LTBP4: variants seen among roughly 807,000 people sequenced by gnomAD.
The protein encoded by LTBP4 is latent transforming growth factor beta binding protein 4, also known as latent-transforming growth factor beta-binding protein 4.
LTBP4 carries 93 observed loss-of-function variants against 180.2 expected under a neutral mutation model. The ratio of observed to expected loss-of-function variants is 0.52; its 90% CI spans 0.44 to 0.61. The LOEUF is 0.61. Among genes scored for constraint, LTBP4 ranks in the 20% least tolerant of loss-of-function variants. The probability of loss-of-function intolerance (pLI) is 0.00; values close to 1 mark genes in which losing one functional copy is unlikely to be tolerated. For missense variants in LTBP4, 2,116 were observed against 2,256.5 expected (o/e 0.94, Z 1.26); for synonymous variants, 947 against 934.5 (o/e 1.01, Z -0.24).
In LTBP4 at chr19:40,608,768, G is replaced by A. The variant is rs11667119; in HGVS notation, c.1426+165G>A. ...TCTACTAAAACTACAAAAATTAACT[G>A]GGCGTGGTGGCAGATGCCTGTAATC... On this transcript the variant is annotated intron_variant, in intron 9 of 29. Transcript: ENST00000396819. The A allele has an allele frequency of 0.081, 57,449 of 712,052 alleles. 2,806 individuals carry two copies. The highest frequency in any genetic ancestry group is 0.13 in the Middle Eastern group (299 of 2,390). 44.1% of individuals were successfully genotyped at this position (712,052 alleles called of 1,614,324 possible).
Position 40,608,392 on chromosome 19 carries a change from G to A in LTBP4, c.1306+23G>A, listed in dbSNP as rs775071300. The stretch of plus-strand genomic sequence containing the variant: ...CAGGTGAGCTGGCTCTGGCAGAAGT[G>A]GGTGCCATCTTCAAGGGGCTGCCCC... On this transcript the variant is annotated intron_variant, in intron 8 of 29. Coordinates refer to ENST00000396819, the MANE Select transcript of LTBP4 (RefSeq NM_001042545.2). 5 of 1,609,434 alleles carry A rather than the reference G, an allele frequency of 3.1e-6. No homozygotes were observed. In the Admixed American group the frequency reaches 8.4e-5, roughly 27 times the overall value.
At chr19:40,599,533 G>C (rs776380808), upstream of LTBP4, 18 of 1,611,188 alleles carry the variant, frequency 1.1e-5, no homozygotes, top group Non-Finnish European at 1.4e-5. Flanking sequence ...AGAGACAGGT[G>C]TCCCTCAACT....
Position 40,629,483 on chromosome 19 carries a change from T to G in LTBP4, c.4607T>G (p.Ile1536Ser). 6.2e-7 allele frequency: 1 copy of G among 1,607,722 alleles called. No individual in the cohort carries two copies. Among genetic ancestry groups the G allele is most frequent in the Non-Finnish European group, 8.5e-7 (1 of 1,176,082 alleles). The stretch of plus-strand genomic sequence containing the variant: ...AACACGGATGGCTCCTTCCGCTGCA[T>G]CTGCCGCCCGGGATTCGCACCCACG... ...CLNTDGSFRCICRPGFAPTHQ... is the reference protein window; with the variant it reads ...CLNTDGSFRCSCRPGFAPTHQ... Residue 1536 changes from isoleucine (I) to serine (S), a missense_variant, in exon 30 of 30, where the codon ATC becomes AGC. Physicochemically the swap from Ile to Ser is moderately radical, Grantham distance 142 (BLOSUM62 -2). Coordinates refer to ENST00000396819, the MANE Select transcript of LTBP4 (RefSeq NM_001042545.2). This position sits in a 1 kb window ranked among gnomAD's most constrained non-coding sequence, Gnocchi z 4.5.
upstream of LTBP4, among the ~76,000 whole-genome samples, chr19:40,596,539 C>G (rs535946187): frequency 1.7e-4 from 26 of 152,138 alleles, no homozygotes; most frequent in East Asian, 4.8e-3. Context: ...GGATCAGGGG[C>G]AGAGCCTGGC....
chr19:40,625,252 TTATATATATATATA>T (rs71173663), intron 26 of LTBP4, among the ~76,000 whole-genome samples: 12 of 44,024 alleles, frequency 2.7e-4, no homozygotes, highest in East Asian at 2.0e-3. Context: ...ATTTTTGTAT[TTATATATATATATA>T]TATATATATA....
chr19:40,627,923 C>T, intron 29 of LTBP4, 66 bp downstream of exon 29: 1 of 1,509,286 alleles, frequency 6.6e-7, no homozygotes, highest in Non-Finnish European at 8.8e-7. Flanking sequence ...GGGTGGAAGC[C>T]CTGACTAGGG....
Position 40,622,681 on chromosome 19 carries a change from G to A in LTBP4, c.3484+14G>A, listed in dbSNP as rs2081594966. ...GCACCGAGACAGGTGGGCATGGGCT[G>A]ATGGGGACACAGGGCTGAGGGCTTG... On this transcript the variant is annotated intron_variant, in intron 23 of 29. Transcript: ENST00000396819. The surrounding 1 kb of genome is among the most constrained non-coding windows in gnomAD (Gnocchi z 5.1). The A allele has an allele frequency of 2.5e-6, 4 of 1,593,496 alleles. No homozygotes were observed. The highest frequency in any genetic ancestry group is 2.6e-6 in the Non-Finnish European group (3 of 1,170,252).
chr19:40,600,444 G>A (rs946018301), upstream of LTBP4, among the ~76,000 whole-genome samples: 2 of 152,208 alleles, frequency 1.3e-5, no homozygotes, highest in African/African-American at 4.8e-5. The surrounding 1 kb of genome is among the most constrained non-coding windows in gnomAD (Gnocchi z 4.4). Flanking sequence ...AAGAGGGAGG[G>A]CGCTGGCCCG....
chr19:40,601,344 G>A (rs2081422289), upstream of LTBP4: 5 of 1,046,810 alleles, frequency 4.8e-6, no homozygotes, highest in East Asian at 3.2e-4. Context: ...CGGGCCCCTC[G>A]GGCGGGCTGG....
chr19:40,597,332 G>A, upstream of LTBP4: 1 of 1,524,670 alleles, frequency 6.6e-7, no homozygotes, highest in Non-Finnish European at 8.8e-7. Context: ...CCCAGCCCCA[G>A]CCCCAGCCAG....
chr19:40,596,884 C>T (rs1335458675), upstream of LTBP4, among the ~76,000 whole-genome samples: 1 of 152,108 alleles, frequency 6.6e-6, no homozygotes, highest in African/African-American at 2.4e-5. Flanking sequence ...GCCCCCAACC[C>T]CGCTCCCGTA....
chr19:40,608,508 AGCC>A lies in LTBP4; in HGVS notation c.1332_1334del (p.Glu444_Pro445delinsAsp). On this transcript the variant is annotated inframe_deletion, in exon 9 of 30. Transcript: ENST00000396819. Reference sequence around the variant, plus strand: ...GGCTTTCTGCCCACCCATCGCCTGGAGCCCCGGCCTGAACCCCGGCCCGATCCC... The same window carrying A: ...GGCTTTCTGCCCACCCATCGCCTGGACCGGCCTGAACCCCGGCCCGATCCC... 6.2e-7 allele frequency: 1 copy of A among 1,605,974 alleles called. No homozygotes were observed. The highest frequency in any genetic ancestry group is 8.5e-7 in the Non-Finnish European group (1 of 1,176,512).
At chr19:40,615,561 T>C (rs1318574068) in intron 19 of LTBP4, among the ~76,000 whole-genome samples, 4 of 152,044 alleles carry the variant, frequency 2.6e-5, no homozygotes, top group African/African-American at 9.7e-5. Flanking sequence ...AGATCGAGAC[T>C]AGCCTGGCCA....
chr19:40,623,065 C>T (rs2081597867), intron 24 of LTBP4, 44 bp downstream of exon 24: 28 of 1,469,996 alleles, frequency 1.9e-5, no homozygotes, highest in Non-Finnish European at 2.6e-5. Context: ...GCTCTGAGGC[C>T]CAGCTTCGTC....
chr19:40,593,193 T>C, intron 1 of LTBP4: 1 of 1,613,852 alleles, frequency 6.2e-7, no homozygotes, highest in Non-Finnish European at 8.5e-7. Context: ...TGAGTGCCTC[T>C]GAAACCGGGG....
Position 40,607,444 on chromosome 19 carries a change from G to A in LTBP4, c.1071G>A (p.Arg357=). Residue 357 remains arginine, a synonymous_variant, in exon 7 of 30, where the codon CGG becomes CGA. Transcript: ENST00000396819. The part of the protein sequence containing the change: ...RDGGCSLPIL[R]NITKQICCCS... ...GCGGCTGTTCGCTGCCCATTCTGCGGAACATCACTAAACAGATCTGCTGCT... is the reference window on the plus strand; with the variant it reads ...GCGGCTGTTCGCTGCCCATTCTGCGAAACATCACTAAACAGATCTGCTGCT... 1.2e-6 allele frequency: 2 copies of A among 1,613,498 alleles called. No homozygotes were observed. Among genetic ancestry groups the A allele is most frequent in the South Asian group, 1.1e-5 (1 of 90,984 alleles).
At chr19:40,621,208 G>T (rs531526329) in intron 22 of LTBP4, among the ~76,000 whole-genome samples, 3 of 152,036 alleles carry the variant, frequency 2.0e-5, no homozygotes, top group Non-Finnish European at 2.9e-5. Context: ...TTCCCAAAGT[G>T]CAGGGATTAC....
chr19:40,598,854 G>A (rs964550291), upstream of LTBP4, among the ~76,000 whole-genome samples: 1 of 152,184 alleles, frequency 6.6e-6, no homozygotes, highest in Non-Finnish European at 1.5e-5. Context: ...CAGACAGTGC[G>A]GGCTTAGAAA....
rs1018540400 is a variant in LTBP4 at position 40,627,150 on chromosome 19, G to A, written c.4161G>A (p.Pro1387=). ...CGCTACCCTACGACCCCTACCCACCGCCACCTGGGCCCTTCGCCCGCCGGG... is the reference window on the plus strand; with the variant it reads ...CGCTACCCTACGACCCCTACCCACCACCACCTGGGCCCTTCGCCCGCCGGG... The part of the protein sequence containing the change: ...PPALPYDPYP[P]PPGPFARREA... The change falls in exon 28 of 30, where the codon CCG becomes CCA. Residue 1387 remains proline, a synonymous_variant. Coordinates refer to ENST00000396819, the MANE Select transcript of LTBP4 (RefSeq NM_001042545.2). The A allele has an allele frequency of 4.3e-6, 7 of 1,612,908 alleles. No individual in the cohort carries two copies. Among genetic ancestry groups the A allele is most frequent in the East Asian group, 4.5e-5 (2 of 44,822 alleles).
Sources: gnomAD v4.1 joint callset for allele counts (sites outside exome capture counted in the v4.1 genomes callset) on GRCh38, gnomAD v4.1.1 for gene constraint, Gnocchi (gnomAD v3.1) non-coding constraint, MANE v1.5 for transcripts, NCBI Gene and HGNC (gene_info 2026-07-23, HGNC 2026-07-21) for gene names.